Variants in CFAP74 observed in about 807,000 individuals in gnomAD.
The protein encoded by CFAP74 is cilia and flagella associated protein 74.
Under a neutral mutation model 188.9 loss-of-function variants are expected in CFAP74, and 124 were observed. The ratio of observed to expected loss-of-function variants is 0.66; its 90% CI spans 0.57 to 0.76. The LOEUF (loss-of-function observed/expected upper bound fraction) is 0.76, where lower values mean the gene tolerates loss of function less well. CFAP74 is among the 30% of genes least tolerant of loss of function. The probability of loss-of-function intolerance (pLI) is 0.00; values close to 1 mark genes in which losing one functional copy is unlikely to be tolerated. For missense variants in CFAP74, 2,198 were observed against 2,165.2 expected (o/e 1.02, Z -0.30); for synonymous variants, 956 against 916.7 (o/e 1.04, Z -0.77).
intron 11 of CFAP74, among the ~76,000 whole-genome samples, chr1:1,967,980 A>AATGAG (rs1553229124): frequency 6.6e-6 from 1 of 151,490 alleles, no homozygotes; most frequent in African/African-American, 2.4e-5. Context: ...TGAATGAGTA[A>AATGAG]AGAATGAATG....
rs114557479 is a variant in CFAP74, at chr1:1,973,391, G to A, written c.675-344C>T. ...GCTGGGGACCTTGTGTCTGCAGCCA[G>A]GGCCTGGATTCCACAGGGGTTTGTG... On this transcript the variant is annotated intron_variant, in intron 7 of 38. Coordinates refer to ENST00000682832, the MANE Select transcript of CFAP74 (RefSeq NM_001304360.2). This position sits in a 1 kb window ranked among gnomAD's most constrained non-coding sequence, Gnocchi z 6.2. Among the ~76,000 whole-genome samples the A allele has an allele frequency of 0.041, 6,201 of 152,130 alleles. 188 individuals are homozygous for A. The highest frequency in any genetic ancestry group is 0.059 in the Non-Finnish European group (3,991 of 67,974).
chr1:1,977,280 G>C (rs1183471694), intron 6 of CFAP74, among the ~76,000 whole-genome samples: 1 of 152,204 alleles, frequency 6.6e-6, no homozygotes, highest in Non-Finnish European at 1.5e-5. Context: ...AGGCTGATTG[G>C]GAAAGATTGG....
intron 6 of CFAP74, 124 bp downstream of exon 6, chr1:1,985,262 A>T (rs1043275427): frequency 2.7e-6 from 2 of 745,794 alleles, no homozygotes; most frequent in Admixed American, 4.2e-5. Flanking sequence ...TCCCCTTTCC[A>T]CTTCCCCGCA....
intron 11 of CFAP74, among the ~76,000 whole-genome samples, chr1:1,967,747 G>A (rs1655570692): frequency 6.6e-6 from 1 of 152,194 alleles, no homozygotes; most frequent in African/African-American, 2.4e-5. Context: ...GGCAGAGACT[G>A]CAGCACTGTG....
In CFAP74 at chr1:1,923,244, G is replaced by C. The variant is rs897975183; in HGVS notation, c.4523-99C>G. On this transcript the variant is annotated intron_variant, in intron 36 of 38. Coordinates refer to ENST00000682832, the MANE Select transcript of CFAP74 (RefSeq NM_001304360.2). This position sits in a 1 kb window ranked among gnomAD's most constrained non-coding sequence, Gnocchi z 6.3. Reference sequence around the variant, plus strand: ...AACTCTGGTTAGCAGTGGCTGTCCTGCTTGGCTCTGGGGTAGAAGGCTGGG... The same window carrying C: ...AACTCTGGTTAGCAGTGGCTGTCCTCCTTGGCTCTGGGGTAGAAGGCTGGG... The C allele has an allele frequency of 4.3e-5, 64 of 1,494,718 alleles. No individual in the cohort carries two copies. Among genetic ancestry groups the C allele is most frequent in the Non-Finnish European group, 5.8e-5 (64 of 1,112,770 alleles). The allele number at this position is 1,494,718 out of a possible 1,614,324, so 92.6% of individuals were successfully genotyped here.
intron 12 of CFAP74, among the ~76,000 whole-genome samples, chr1:1,965,775 C>T (rs965022589): frequency 6.6e-5 from 10 of 152,228 alleles, no homozygotes; most frequent in African/African-American, 2.4e-4. Flanking sequence ...GTCAGCCCGG[C>T]ATCCCCAGAA....
At chr1:1,985,808 C>T (rs182348568) in intron 5 of CFAP74, among the ~76,000 whole-genome samples, 1 of 152,352 alleles carries the variant, frequency 6.6e-6, no homozygotes, top group African/African-American at 2.4e-5. Context: ...CCAGCACGTG[C>T]GACAAGCCCC....
chr1:1,955,358 C>T, intron 18 of CFAP74: 3 of 1,337,674 alleles, frequency 2.2e-6, no homozygotes, highest in Non-Finnish European at 2.9e-6. Context: ...CAGAGCTAGA[C>T]AGAAGCCCCC....
At chr1:1,927,066 C>G in intron 28 of CFAP74, 38 bp from the exon 29 acceptor site, 4 of 1,549,356 alleles carry the variant, frequency 2.6e-6, no homozygotes, top group South Asian at 1.2e-5. Context: ...CCGCCTTGCC[C>G]CCACCCACCA....
intron 27 of CFAP74, among the ~76,000 whole-genome samples, chr1:1,928,561 C>T (rs950206081): frequency 1.3e-5 from 2 of 152,218 alleles, no homozygotes; most frequent in African/African-American, 4.8e-5. Flanking sequence ...CAGAGCCCAC[C>T]CTTCCCTGCT....
chr1:1,973,879 C>T lies in CFAP74; in HGVS notation c.674+146G>A. The stretch of plus-strand genomic sequence containing the variant: ...AGGACTCAAGGGCCCGGTGGAGGAG[C>T]AAGCTGGGAGGAGGCAGGGAGGGGT... On this transcript the variant is annotated intron_variant, in intron 7 of 38. Coordinates refer to ENST00000682832, the MANE Select transcript of CFAP74 (RefSeq NM_001304360.2). This position sits in a 1 kb window ranked among gnomAD's most constrained non-coding sequence, Gnocchi z 6.2. The T allele has an allele frequency of 1.4e-6, 1 of 720,296 alleles. No individual in the cohort carries two copies. The allele number at this position is 720,296 out of a possible 1,614,324, so 44.6% of individuals were successfully genotyped here.
At chr1:1,986,814 C>T in intron 5 of CFAP74, 123 bp downstream of exon 5, 1 of 749,342 alleles carries the variant, frequency 1.3e-6, no homozygotes, top group Non-Finnish European at 2.2e-6. Context: ...GTTGTGGCCT[C>T]ACACTGGGGC....
chr1:1,928,472 C>T (rs965907059), intron 27 of CFAP74, among the ~76,000 whole-genome samples: 2 of 152,184 alleles, frequency 1.3e-5, no homozygotes, highest in African/African-American at 4.8e-5. Flanking sequence ...GTGCGCCTCC[C>T]GGGGCCTCCA....
At position 1,964,844 on chromosome 1, in the gene CFAP74, C is replaced by T. The variant is rs750309338; in HGVS notation, c.1575+44G>A. ...GCTGCGGCAGGGCTCCCCTGCTGTC[C>T]TGTGCTGCTGCCCGTCCCGTTCCTG... On this transcript the variant is annotated intron_variant, in intron 13 of 38. Coordinates refer to ENST00000682832, the MANE Select transcript of CFAP74 (RefSeq NM_001304360.2). 7.5e-6 allele frequency: 12 copies of T among 1,609,862 alleles called. No individual in the cohort carries two copies. The South Asian group carries it at 1.1e-4, about 15-fold the overall frequency.
At chr1:1,943,323 C>T (rs950034282) in intron 21 of CFAP74, among the ~76,000 whole-genome samples, 2 of 152,208 alleles carry the variant, frequency 1.3e-5, no homozygotes, top group African/African-American at 2.4e-5. Context: ...CCAACACACG[C>T]AGCTGGCTCC....
chr1:1,941,601 G>A (rs1240201091), intron 22 of CFAP74, among the ~76,000 whole-genome samples: 3 of 152,148 alleles, frequency 2.0e-5, no homozygotes, highest in Non-Finnish European at 4.4e-5. Flanking sequence ...CTGGGAAAGG[G>A]ATGAAGACAG....
intron 11 of CFAP74, among the ~76,000 whole-genome samples, chr1:1,967,186 G>T (rs2102072326): frequency 6.6e-6 from 1 of 152,302 alleles, no homozygotes; most frequent in South Asian, 2.1e-4. Context: ...GCCCCAGGCT[G>T]ACCCCAGGAG....
At position 1,975,726 on chromosome 1, in the gene CFAP74, T is replaced by G. The variant is rs551188593; in HGVS notation, c.501-1528A>C. 1.8e-4 allele frequency among the ~76,000 whole-genome samples: 28 copies of G among 152,154 alleles called. No homozygotes were observed. The highest frequency in any genetic ancestry group is 6.8e-4 in the African/African-American group (28 of 41,440). On this transcript the variant is annotated intron_variant, in intron 6 of 38. Coordinates refer to ENST00000682832, the MANE Select transcript of CFAP74 (RefSeq NM_001304360.2). The surrounding 1 kb of genome is among the most constrained non-coding windows in gnomAD (Gnocchi z 4.5). Reference sequence around the variant, plus strand: ...CGGGCGGGTTATTTCTATTCCTCCCTCGCGTGACTCATGAAATTCTTTAAT... The same window carrying G: ...CGGGCGGGTTATTTCTATTCCTCCCGCGCGTGACTCATGAAATTCTTTAAT...
chr1:1,926,032 T>G, intron 32 of CFAP74, 94 bp from the exon 33 acceptor site: 12 of 1,435,742 alleles, frequency 8.4e-6, no homozygotes, highest in Non-Finnish European at 1.1e-5. Flanking sequence ...AACGCTGGAG[T>G]TGAGACAGCT....
Sources: allele counts gnomAD v4.1 joint callset (sites outside exome capture counted in the v4.1 genomes callset), GRCh38; gene constraint gnomAD v4.1.1; non-coding constraint Gnocchi (gnomAD v3.1); transcripts MANE v1.5; gene names NCBI Gene and HGNC (gene_info 2026-07-23, HGNC 2026-07-21).